The following DNAH14 variants were observed in gnomAD, a reference collection of about 807,000 sequenced individuals.
DNAH14 encodes the protein axonemal beta dynein heavy chain 14.
A neutral mutation model predicts 520.9 loss-of-function variants in DNAH14; 478 were observed. The observed-to-expected ratio is 0.92, with a 90% confidence interval of 0.85 to 0.99. The LOEUF (loss-of-function observed/expected upper bound fraction) is 0.99, where lower values mean the gene tolerates loss of function less well. Among genes scored for constraint, DNAH14 ranks in the 50% least tolerant of loss-of-function variants. The pLI, the probability that DNAH14 is intolerant of heterozygous loss-of-function variation, is 0.00. For missense variants in DNAH14, 4,831 were observed against 5,234.5 expected (o/e 0.92, Z 2.38); for synonymous variants, 1,581 against 1,757.2 (o/e 0.90, Z 2.51).
At chr1:225,015,556 C>T (rs2065146568) in intron 10 of DNAH14, among the ~76,000 whole-genome samples, 1 of 152,076 alleles carries the variant, frequency 6.6e-6, no homozygotes, top group Admixed American at 6.6e-5. Flanking sequence ...TCTTGTAAGT[C>T]CATTCTAGAG....
chr1:225,172,068 A>G (rs918740648), intron 36 of DNAH14, among the ~76,000 whole-genome samples: 1 of 152,048 alleles, frequency 6.6e-6, no homozygotes, highest in Non-Finnish European at 1.5e-5. Context: ...ATTCAACACC[A>G]CTTCATGCTA....
intron 11 of DNAH14, among the ~76,000 whole-genome samples, chr1:225,035,585 G>A (rs978828867): frequency 3.3e-5 from 5 of 151,762 alleles, no homozygotes; most frequent in African/African-American, 9.7e-5. Context: ...ATAGGTTTGG[G>A]TATGTTATGT....
chr1:225,203,950 T>C (rs2087198476), intron 38 of DNAH14, among the ~76,000 whole-genome samples: 1 of 152,234 alleles, frequency 6.6e-6, no homozygotes, highest in African/African-American at 2.4e-5. Flanking sequence ...AAGCATGTAC[T>C]GTCTTTGCAG....
intron 12 of DNAH14, among the ~76,000 whole-genome samples, chr1:225,040,965 T>G (rs898498964): frequency 1.3e-5 from 2 of 152,192 alleles, no homozygotes; most frequent in Non-Finnish European, 2.9e-5. Context: ...TTTGAGCATT[T>G]TTTCATGTAA....
At chr1:225,035,052 GT>G (rs34478787) in intron 11 of DNAH14, among the ~76,000 whole-genome samples, 1 of 151,592 alleles carries the variant, frequency 6.6e-6, no homozygotes, top group African/African-American at 2.4e-5. Flanking sequence ...TCTTTAAAAT[GT>G]TTTTTTTGTG....
chr1:225,295,506 A>G (rs1370654362), intron 55 of DNAH14, among the ~76,000 whole-genome samples: 2 of 152,004 alleles, frequency 1.3e-5, no homozygotes, highest in South Asian at 2.1e-4. Flanking sequence ...TCCTTCATCC[A>G]TTTGTTGTTC....
intron 27 of DNAH14, among the ~76,000 whole-genome samples, chr1:225,137,140 C>T (rs1433486193): frequency 6.6e-6 from 1 of 152,128 alleles, no homozygotes. Context: ...CCTTCTGAAG[C>T]CTTATTTCTG....
Position 225,080,619 on chromosome 1 carries a change from T to C in DNAH14, c.3007T>C (p.Trp1003Arg), listed in dbSNP as rs1349026152. Residue 1003 changes from tryptophan to arginine, a missense_variant, in exon 19 of 86, where the codon TGG (tryptophan) becomes CGG (arginine). Physicochemically the swap from Trp to Arg is moderately radical, Grantham distance 101. Transcript: ENST00000682510. ...TGACTTGACTTTGAGGAAAAAACTA[T>C]GGGAAGCACAAGAGGAGTGGAAGCG... ...EGDLTLRKKL[W>R]EAQEEWKRAS... 1.3e-6 allele frequency: 2 copies of C among 1,552,098 alleles called. No individual in the cohort carries two copies. Among genetic ancestry groups the C allele is most frequent in the Middle Eastern group, 1.7e-4 (1 of 5,996 alleles).
intron 1 of DNAH14, among the ~76,000 whole-genome samples, chr1:224,942,650 A>G (rs942240260): frequency 6.6e-5 from 10 of 152,228 alleles, no homozygotes; most frequent in African/African-American, 2.4e-4. Context: ...TTTGTCATAG[A>G]TAGCTCTTAT....
intron 55 of DNAH14, among the ~76,000 whole-genome samples, chr1:225,295,870 G>A (rs1449445929): frequency 1.3e-5 from 2 of 152,072 alleles, no homozygotes; most frequent in Non-Finnish European, 2.9e-5. Flanking sequence ...TTATTGTATT[G>A]GGGTCCCTCT....
At chr1:225,394,803 T>C (rs2153577) in intron 84 of DNAH14, among the ~76,000 whole-genome samples, 101,700 of 150,472 alleles carry the variant, frequency 0.68, 36,802 homozygotes, top group East Asian at 0.85. Context: ...GAGATCGTGC[T>C]ACTGCACTCC....
chr1:225,305,833 C>T (rs1330332624), intron 58 of DNAH14, among the ~76,000 whole-genome samples: 8 of 152,196 alleles, frequency 5.3e-5, no homozygotes, highest in African/African-American at 1.9e-4. Context: ...AAAAATAGCC[C>T]ACTCCATCAG....
At chr1:225,258,638 G>A (rs982328719) in intron 45 of DNAH14, among the ~76,000 whole-genome samples, 2 of 152,132 alleles carry the variant, frequency 1.3e-5, no homozygotes, top group African/African-American at 4.8e-5. Context: ...TCCATATGCA[G>A]AGAATTAAGG....
intron 52 of DNAH14, among the ~76,000 whole-genome samples, chr1:225,273,366 G>A (rs551231796): frequency 3.9e-5 from 6 of 152,342 alleles, no homozygotes; most frequent in Middle Eastern, 3.4e-3. Flanking sequence ...GGGAGGCGGA[G>A]CTTGCAGTGA....
intron 23 of DNAH14, among the ~76,000 whole-genome samples, chr1:225,108,435 A>T (rs1286501272): frequency 1.3e-5 from 2 of 152,146 alleles, no homozygotes; most frequent in East Asian, 3.9e-4. Context: ...CATCTATCCT[A>T]TTAGTCCTGT....
At position 225,185,338 on chromosome 1, in the gene DNAH14, A is replaced by T. The variant is rs1165543550; in HGVS notation, c.5583A>T (p.Thr1861=). 11 of 1,547,978 alleles carry T rather than the reference A, an allele frequency of 7.1e-6. No homozygotes were observed. Among genetic ancestry groups the T allele is most frequent in the Non-Finnish European group, 8.7e-6 (10 of 1,145,568 alleles). The change falls in exon 37 of 86, where the codon ACA becomes ACT. Residue 1861 remains threonine, a synonymous_variant. Coordinates refer to ENST00000682510, the MANE Select transcript of DNAH14 (RefSeq NM_001367479.1). ...MLVGPTGGGK[T]TVRRILEKAL... The stretch of plus-strand genomic sequence containing the variant: ...TGGGCCCAACAGGTGGAGGAAAGAC[A>T]ACAGTCAGAAGAATTTTGGAAAAAG...
chr1:225,362,289 TC>T (rs1175914367), intron 75 of DNAH14, among the ~76,000 whole-genome samples: 1 of 152,102 alleles, frequency 6.6e-6, no homozygotes, highest in Admixed American at 6.5e-5. Flanking sequence ...AATTCGTACT[TC>T]CGGGCCGGGC....
Position 225,377,279 on chromosome 1 carries a change from A to C in DNAH14, c.12559A>C (p.Ile4187Leu). ...AGGATCTGCAAGCATAAAGGACTAC[A>C]TACACATTATCCAGTCCTTACCTGA... ...VPGSASIKDY[I>L]HIIQSLPDDD... The change falls in exon 79 of 86, where the codon ATA becomes CTA. Residue 4187 changes from isoleucine (I) to leucine (L), a missense_variant. Ile to Leu is a conservative substitution (Grantham distance 5). Coordinates refer to ENST00000682510, the MANE Select transcript of DNAH14 (RefSeq NM_001367479.1). 6.5e-7 allele frequency: 1 copy of C among 1,526,988 alleles called. No individual in the cohort carries two copies. The highest frequency in any genetic ancestry group is 8.8e-7 in the Non-Finnish European group (1 of 1,136,162). The allele number at this position is 1,526,988 out of a possible 1,614,324, so 94.6% of individuals were successfully genotyped here.
In DNAH14 at chr1:225,331,449, T is replaced by C; in HGVS notation, c.9736T>C (p.Leu3246=). ...AATTATCTTTCAGGTTGAAGAACAT[T>C]TGCTGTTTTTACAGGCAGCTTACAA... ...QRGLQLVEEH[L]LFLQAAYKDT... is the part of the protein sequence containing the mutation. The change falls in exon 65 of 86, where the codon TTG becomes CTG. Residue 3246 remains leucine, a synonymous_variant. Coordinates refer to ENST00000682510, the MANE Select transcript of DNAH14 (RefSeq NM_001367479.1). The C allele has an allele frequency of 2.6e-6, 4 of 1,550,668 alleles. No individual in the cohort carries two copies. The highest frequency in any genetic ancestry group is 3.5e-6 in the Non-Finnish European group (4 of 1,146,578).
Sources: gnomAD v4.1 joint callset for allele counts (sites outside exome capture counted in the v4.1 genomes callset) on GRCh38, gnomAD v4.1.1 for gene constraint, MANE v1.5 for transcripts, NCBI Gene and HGNC (gene_info 2026-07-23, HGNC 2026-07-21) for gene names.